The following DENND6B variants were observed in gnomAD, a reference collection of about 807,000 sequenced individuals.
DENND6B encodes protein DENND6B.
In DENND6B, 73 loss-of-function variants were observed where a neutral mutation model predicts 85.1. The observed-to-expected ratio is 0.86, with a 90% CI of 0.71 to 1.04. The LOEUF (loss-of-function observed/expected upper bound fraction) is 1.04. DENND6B is among the 50% of genes least tolerant of loss of function. The pLI is 0.00. For synonymous variants in DENND6B, 357 were observed against 329.3 expected, an observed-to-expected ratio of 1.08 and a Z score of -0.91; for missense variants, 715 against 785.8, an observed-to-expected ratio of 0.91 and a Z score of 1.08.
intron 1 of DENND6B, among the ~76,000 whole-genome samples, chr22:50,323,220 GT>G (rs2042104247): frequency 6.8e-6 from 1 of 146,052 alleles, no homozygotes; most frequent in Non-Finnish European, 1.5e-5. Flanking sequence ...GACTCAAGCA[GT>G]TCTCCCACCT....
intron 5 of DENND6B, 26 bp from the exon 6 acceptor site, chr22:50,316,501 G>A: frequency 1.3e-6 from 2 of 1,555,384 alleles, no homozygotes; most frequent in Non-Finnish European, 1.7e-6. Flanking sequence ...GCCAGTTAGA[G>A]GCCCAGTGCC....
intron 9 of DENND6B, 41 bp from the exon 10 acceptor site, chr22:50,314,962 T>C (rs908051173): frequency 1.9e-6 from 3 of 1,598,644 alleles, no homozygotes; most frequent in African/African-American, 2.7e-5. Flanking sequence ...AGGCAGGGGC[T>C]GAGACTCCTG....
chr22:50,319,467 T>G, intron 1 of DENND6B: 2 of 983,960 alleles, frequency 2.0e-6, no homozygotes, highest in Non-Finnish European at 1.2e-6. Context: ...TGGGCCCCCC[T>G]GCCCCTACCC....
intron 8 of DENND6B, 109 bp from the exon 9 acceptor site, chr22:50,315,878 C>T (rs1490397512): frequency 1.0e-5 from 15 of 1,503,580 alleles, no homozygotes; most frequent in East Asian, 2.3e-5. Context: ...CCCAGCCCTA[C>T]ACCAACACAC....
chr22:50,319,777 C>A (rs1374627484), intron 1 of DENND6B, among the ~76,000 whole-genome samples: 1 of 152,256 alleles, frequency 6.6e-6, no homozygotes, highest in African/African-American at 2.4e-5. Flanking sequence ...CTCTCCCCGT[C>A]CTGCTCAGCA....
chr22:50,326,897 G>C lies in DENND6B; in HGVS notation c.92C>G (p.Pro31Arg). 3 of 1,401,608 alleles carry C rather than the reference G, an allele frequency of 2.1e-6. No individual in the cohort carries two copies. The South Asian group carries it at 4.4e-5, about 21-fold the overall frequency. The allele number at this position is 1,401,608 out of a possible 1,614,324, so 86.8% of individuals were successfully genotyped here. The change falls in exon 1 of 20, where the codon CCG becomes CGG. Residue 31 changes from proline (P) to arginine (R), a missense_variant. Physicochemically the swap from Pro to Arg is moderately radical, Grantham distance 103 (BLOSUM62 -2). Coordinates refer to ENST00000413817, the MANE Select transcript of DENND6B (RefSeq NM_001001794.4). ...PTSSGRAART[P>R]AAPWARFSAW... ...GGAGAAGCGCGCCCAGGGCGCCGCC[G>C]GGGTCCGCGCCGCGCGACCTGAAGA...
intron 15 of DENND6B, 39 bp downstream of exon 15, chr22:50,313,596 G>A (rs1199075998): frequency 2.5e-4 from 85 of 342,252 alleles, no homozygotes; most frequent in East Asian, 3.1e-4. Context: ...CCCCAGCCCC[G>A]TGCCCCCCAG....
At chr22:50,324,683 CA>C (rs1409130365) in intron 1 of DENND6B, among the ~76,000 whole-genome samples, 1 of 152,114 alleles carries the variant, frequency 6.6e-6, no homozygotes, top group Non-Finnish European at 1.5e-5. Context: ...CTCGGCCTCC[CA>C]AAGTGCTAGG....
Position 50,313,504 on chromosome 22 carries a change from G to A in DENND6B, c.1294-5C>T, listed in dbSNP as rs1381502772. ...GAGGCTGGCCATGTAGTGCTCCTGG[G>A]TGGGGAAGGGAGGGGAGTGAGCCCG... On this transcript the variant is annotated splice_polypyrimidine_tract_variant and splice_region_variant and intron_variant, in intron 15 of 19. Transcript: ENST00000413817. 2 of 1,547,208 alleles carry A rather than the reference G, an allele frequency of 1.3e-6. No homozygotes were observed. The highest frequency in any genetic ancestry group is 3.9e-5 in the Admixed American group (2 of 51,160).
chr22:50,317,863 G>T, intron 4 of DENND6B, 45 bp downstream of exon 4: 1 of 1,561,296 alleles, frequency 6.4e-7, no homozygotes, highest in South Asian at 1.1e-5. Flanking sequence ...CAGGACCCTT[G>T]GGGAGCAGGG....
At chr22:50,313,282 C>A (rs957292166) in intron 16 of DENND6B, among the ~76,000 whole-genome samples, 164 bp downstream of exon 16, 2 of 152,084 alleles carry the variant, frequency 1.3e-5, no homozygotes, top group Non-Finnish European at 2.9e-5. Flanking sequence ...CTCCAAGGGT[C>A]CTGCCAGCCA....
Position 50,318,962 on chromosome 22 carries a change from C to T in DENND6B, c.216+3G>A, listed in dbSNP as rs937665089. 6.2e-7 allele frequency: 1 copy of T among 1,607,354 alleles called. No individual in the cohort carries two copies. On this transcript the variant is annotated splice_donor_region_variant and intron_variant, in intron 2 of 19. Coordinates refer to ENST00000413817, the MANE Select transcript of DENND6B (RefSeq NM_001001794.4). ...GTCCATTCCCAAGAGGGCCGGGACTCACCTCCTTGTCTGTGAGCCGGAAGT... is the reference window on the plus strand; with the variant it reads ...GTCCATTCCCAAGAGGGCCGGGACTTACCTCCTTGTCTGTGAGCCGGAAGT...
At position 50,318,006 on chromosome 22, in the gene DENND6B, T is replaced by A; in HGVS notation, c.274A>T (p.Thr92Ser). Reference sequence around the variant, plus strand: ...TGGCGCATGCGGAAGCTGAACTGAGTGTCTCCAAGGCAGCCTAAGAAGGGG... The same window carrying A: ...TGGCGCATGCGGAAGCTGAACTGAGAGTCTCCAAGGCAGCCTAAGAAGGGG... ...PDSHSGCLGD[T>S]QFSFRMRQCG... Residue 92 changes from threonine (T) to serine (S), a missense_variant, in exon 4 of 20, where the codon ACT becomes TCT. Thr to Ser is a moderately conservative substitution (Grantham distance 58). Coordinates refer to ENST00000413817, the MANE Select transcript of DENND6B (RefSeq NM_001001794.4). 1 of 1,612,306 alleles carries A rather than the reference T, an allele frequency of 6.2e-7. No homozygotes were observed. The highest frequency in any genetic ancestry group is 8.5e-7 in the Non-Finnish European group (1 of 1,179,590).
intron 1 of DENND6B, among the ~76,000 whole-genome samples, chr22:50,321,931 C>T (rs999664432): frequency 6.6e-6 from 1 of 152,108 alleles, no homozygotes; most frequent in Non-Finnish European, 1.5e-5. Flanking sequence ...CCAAGCTGGT[C>T]TCAAACTCCT....
At position 50,326,890 on chromosome 22, in the gene DENND6B, C is replaced by A; in HGVS notation, c.99G>T (p.Ala33=). The A allele has an allele frequency of 7.1e-7, 1 of 1,410,100 alleles. No homozygotes were observed. The allele number at this position is 1,410,100 out of a possible 1,614,324, so 87.3% of individuals were successfully genotyped here. The change falls in exon 1 of 20, where the codon GCG becomes GCT. Residue 33 remains alanine, a synonymous_variant. Transcript: ENST00000413817. ...GCCAGGCGGAGAAGCGCGCCCAGGG[C>A]GCCGCCGGGGTCCGCGCCGCGCGAC... The part of the protein sequence containing the change: ...SSGRAARTPA[A]PWARFSAWLE...
chr22:50,314,289 G>C lies in DENND6B; in HGVS notation c.1073-17C>G, dbSNP rs1160048124. On this transcript the variant is annotated splice_polypyrimidine_tract_variant and intron_variant, in intron 12 of 19. Transcript: ENST00000413817. ...GCAGGTCTCCTACGAGACACGCCCG[G>C]TGGCCAGGCCTCAGTGCCCGCAGCT... is the stretch of plus-strand genomic sequence containing the variant. The C allele has an allele frequency of 1.2e-6, 2 of 1,607,870 alleles. No individual in the cohort carries two copies. Among genetic ancestry groups the C allele is most frequent in the Non-Finnish European group, 8.5e-7 (1 of 1,178,214 alleles).
chr22:50,312,214 C>T lies in DENND6B; in HGVS notation c.1683G>A (p.Gln561=). The T allele has an allele frequency of 6.2e-7, 1 of 1,612,430 alleles. No individual in the cohort carries two copies. Among genetic ancestry groups the T allele is most frequent in the Non-Finnish European group, 8.5e-7 (1 of 1,179,710 alleles). ...CCGTCTCGATGTACAGCTGTGCCCGCTGCAGCGTAGCCTCCTTCACAGGGA... is the reference window on the plus strand; with the variant it reads ...CCGTCTCGATGTACAGCTGTGCCCGTTGCAGCGTAGCCTCCTTCACAGGGA... ...HQLPVKEATL[Q]RAQLYIETVI... The change falls in exon 20 of 20, where the codon CAG becomes CAA. Residue 561 remains glutamine (Q), a synonymous_variant. Coordinates refer to ENST00000413817, the MANE Select transcript of DENND6B (RefSeq NM_001001794.4).
intron 9 of DENND6B, 45 bp downstream of exon 9, chr22:50,315,669 C>G (rs1220212845): frequency 1.3e-6 from 2 of 1,549,278 alleles, no homozygotes; most frequent in African/African-American, 1.4e-5. Flanking sequence ...CGTGCACACA[C>G]AGTGAGCTCC....
Position 50,311,844 on chromosome 22 carries a change from C to T in DENND6B, c.*295G>A, listed in dbSNP as rs1028488681. On this transcript the variant is annotated 3_prime_UTR_variant, in exon 20 of 20. Coordinates refer to ENST00000413817, the MANE Select transcript of DENND6B (RefSeq NM_001001794.4). ...GGGCAGACGGTAGACGCACCCACAT[C>T]AGCAAGGGCTCCCAGCCTGTCCCCG... is the stretch of plus-strand genomic sequence containing the variant. 2.0e-5 allele frequency: 9 copies of T among 444,570 alleles called. No homozygotes were observed. Among genetic ancestry groups the T allele is most frequent in the Admixed American group, 1.5e-4 (4 of 26,200 alleles). 27.5% of individuals were successfully genotyped at this position (444,570 alleles called of 1,614,324 possible).
Sources: allele counts gnomAD v4.1 joint callset (sites outside exome capture counted in the v4.1 genomes callset), GRCh38; gene constraint gnomAD v4.1.1; transcripts MANE v1.5; gene names NCBI Gene and HGNC (gene_info 2026-07-23, HGNC 2026-07-21).